TAMALIN: variants seen among roughly 807,000 people sequenced by gnomAD.
The protein encoded by TAMALIN is trafficking regulator and scaffold protein tamalin.
In TAMALIN, 9 loss-of-function variants were observed where a neutral mutation model predicts 38.5. That is an observed-to-expected ratio of 0.23 (90% CI 0.14 to 0.41). TAMALIN has a LOEUF of 0.41. TAMALIN is among the 10% of genes least tolerant of loss of function. TAMALIN has a pLI of 1.00. For missense variants in TAMALIN, 548 were observed against 554.1 expected, an observed-to-expected ratio of 0.99 and a Z score of 0.11; for synonymous variants, 306 against 256.5, an observed-to-expected ratio of 1.19 and a Z score of -1.85.
chr12:52,013,068 A>C (rs1263859626), intron 4 of TAMALIN, among the ~76,000 whole-genome samples: 2 of 147,554 alleles, frequency 1.4e-5, no homozygotes, highest in African/African-American at 5.0e-5. Flanking sequence ...GCTTTGGGAC[A>C]GAACTTCTTT....
rs769197486 is a variant in TAMALIN, at chr12:52,007,188, G to C, written c.169G>C (p.Ala57Pro). The change falls in exon 1 of 8, where the codon GCG becomes CCG. Residue 57 changes from alanine (A) to proline (P), a missense_variant. Transcript: ENST00000293662. This position sits in a 1 kb window ranked among gnomAD's most constrained non-coding sequence, Gnocchi z 6.7. Reference protein sequence around the residue: ...TPGPPADELYAALEDYHPAEL... With the variant: ...TPGPPADELYPALEDYHPAEL... The stretch of plus-strand genomic sequence containing the variant: ...TGGGCCCCCAGCGGACGAGCTGTAC[G>C]CGGCGCTGGAGGACTATCACCCTGC... 4.6e-6 allele frequency: 7 copies of C among 1,516,770 alleles called. No homozygotes were observed. Among genetic ancestry groups the C allele is most frequent in the Non-Finnish European group, 6.1e-6 (7 of 1,143,306 alleles). The allele number at this position is 1,516,770 out of a possible 1,614,324, so 94.0% of individuals were successfully genotyped here. A position where few individuals can be genotyped will look rare whatever the true frequency, so the allele number is the denominator to read the frequency against.
chr12:52,013,946 AG>A lies in TAMALIN; in HGVS notation c.615+7del. On this transcript the variant is annotated splice_donor_region_variant and intron_variant, in intron 6 of 7. Transcript: ENST00000293662. ...AGGCTCGTCTGCAGTACCTGAAGGT[AG>A]GGGAACCTAGATAACGTCCAGCCTC... The A allele has an allele frequency of 6.2e-7, 1 of 1,613,922 alleles. No individual in the cohort carries two copies. The highest frequency in any genetic ancestry group is 8.5e-7 in the Non-Finnish European group (1 of 1,179,808).
At chr12:52,008,243 A>C (rs1565629732) in intron 1 of TAMALIN, 2 of 985,348 alleles carry the variant, frequency 2.0e-6, no homozygotes, top group Non-Finnish European at 2.4e-6. Flanking sequence ...GAGGGTTAGC[A>C]AAGGCACAGA....
intron 1 of TAMALIN, chr12:52,008,312 T>G (rs1942447621): frequency 1.0e-6 from 1 of 985,076 alleles, no homozygotes; most frequent in South Asian, 4.7e-5. Context: ...GGACTGGACC[T>G]CCTCCCAGGA....
At position 52,013,992 on chromosome 12, in the gene TAMALIN, C is replaced by T. The variant is rs750826110; in HGVS notation, c.615+49C>T. 25 of 1,596,548 alleles carry T rather than the reference C, an allele frequency of 1.6e-5. No individual in the cohort carries two copies. The African/African-American group carries it at 3.1e-4, about 20-fold the overall frequency. On this transcript the variant is annotated intron_variant, in intron 6 of 7. Transcript: ENST00000293662. ...AGCCTCCACCCTCCTCTTCCCAAGC[C>T]TCTGCCCTGTGGGGGGTCACTTACA...
Position 52,011,255 on chromosome 12 carries a change from A to G in TAMALIN, c.454+114A>G, listed in dbSNP as rs751370984. On this transcript the variant is annotated intron_variant, in intron 4 of 7. Transcript: ENST00000293662. The surrounding 1 kb of genome is among the most constrained non-coding windows in gnomAD (Gnocchi z 5.3). ...AATTCCTCTTCCTTTTCCTTCTTTG[A>G]GAAGGCCAGAAAGAAGAATGGATAG... The G allele has an allele frequency of 6.5e-7, 1 of 1,543,906 alleles. No homozygotes were observed. The highest frequency in any genetic ancestry group is 2.4e-5 in the East Asian group (1 of 41,990).
intron 4 of TAMALIN, among the ~76,000 whole-genome samples, chr12:52,013,109 G>A (rs924349584): frequency 7.3e-6 from 1 of 136,270 alleles, no homozygotes; most frequent in Non-Finnish European, 1.5e-5. Flanking sequence ...ACGGAGTCTC[G>A]CTCTGTCGCC....
chr12:52,007,798 G>A lies in TAMALIN; in HGVS notation c.246+533G>A. 4 of 985,438 alleles carry A rather than the reference G, an allele frequency of 4.1e-6. No homozygotes were observed. The highest frequency in any genetic ancestry group is 4.8e-6 in the Non-Finnish European group (4 of 829,918). The allele number at this position is 985,438 out of a possible 1,614,324, so 61.0% of individuals were successfully genotyped here. On this transcript the variant is annotated intron_variant, in intron 1 of 7. Coordinates refer to ENST00000293662, the MANE Select transcript of TAMALIN (RefSeq NM_181711.4). The surrounding 1 kb of genome is among the most constrained non-coding windows in gnomAD (Gnocchi z 6.7). ...TCCTGGGCTGGGGGCCTGCCGCCTG[G>A]CCCCACGTCTGACGTACGGGGCGCG...
At position 52,014,711 on chromosome 12, in the gene TAMALIN, C is replaced by T; in HGVS notation, c.700C>T (p.Pro234Ser). 1 of 1,511,018 alleles carries T rather than the reference C, an allele frequency of 6.6e-7. No individual in the cohort carries two copies. The highest frequency in any genetic ancestry group is 8.7e-7 in the Non-Finnish European group (1 of 1,143,830). 93.6% of individuals were successfully genotyped at this position (1,511,018 alleles called of 1,614,324 possible). A position where few individuals can be genotyped will look rare whatever the true frequency, so the allele number is the denominator to read the frequency against. ...CTGCGCAGGCCTGGTGGTGAAGGACCCCAGCATCTACGACACGCTGGAGTC... is the reference window on the plus strand; with the variant it reads ...CTGCGCAGGCCTGGTGGTGAAGGACTCCAGCATCTACGACACGCTGGAGTC... ...RLVHGLVVKDPSIYDTLESVR... is the reference protein window; with the variant it reads ...RLVHGLVVKDSSIYDTLESVR... Residue 234 changes from proline (P) to serine (S), a missense_variant, in exon 8 of 8, where the codon CCC (proline) becomes TCC (serine). This residue lies in a region of TAMALIN where 415 missense variants were observed against 417.0 expected (regional missense o/e 1.00). Coordinates refer to ENST00000293662, the MANE Select transcript of TAMALIN (RefSeq NM_181711.4).
intron 4 of TAMALIN, among the ~76,000 whole-genome samples, chr12:52,013,075 CTTTTTTTTT>C (rs3035021): frequency 8.8e-5 from 11 of 124,448 alleles, no homozygotes; most frequent in African/African-American, 3.1e-4. Context: ...GACAGAACTT[CTTTTTTTTT>C]TTTTTTTTTT....
At chr12:52,009,795 A>C (rs1217346847) in intron 2 of TAMALIN, among the ~76,000 whole-genome samples, 1 of 152,226 alleles carries the variant, frequency 6.6e-6, no homozygotes, top group East Asian at 1.9e-4. Context: ...CTCATGTCCC[A>C]TCCCTGATTT....
Position 52,013,784 on chromosome 12 carries a change from T to G in TAMALIN, c.548+4T>G. 1 of 1,614,004 alleles carries G rather than the reference T, an allele frequency of 6.2e-7. No individual in the cohort carries two copies. Among genetic ancestry groups the G allele is most frequent in the Non-Finnish European group, 8.5e-7 (1 of 1,179,838 alleles). Reference sequence around the variant, plus strand: ...AGGCGTCAGGCAATGTTCTCAGGTATGTCTGGGAGCCGAGGTGCCTGAATT... The same window carrying G: ...AGGCGTCAGGCAATGTTCTCAGGTAGGTCTGGGAGCCGAGGTGCCTGAATT... On this transcript the variant is annotated splice_donor_region_variant and intron_variant, in intron 5 of 7. Coordinates refer to ENST00000293662, the MANE Select transcript of TAMALIN (RefSeq NM_181711.4).
In TAMALIN at chr12:52,014,809, C is replaced by T. The variant is rs1181331809; in HGVS notation, c.798C>T (p.Pro266=). The part of the protein sequence containing the change: ...SLPFGPLLAV[P]GRPRGGARRA... Reference sequence around the variant, plus strand: ...CCTTCGGGCCTCTGCTCGCCGTGCCCGGGCGTCCCCGCGGAGGCGCCCGAC... The same window carrying T: ...CCTTCGGGCCTCTGCTCGCCGTGCCTGGGCGTCCCCGCGGAGGCGCCCGAC... Residue 266 remains proline, a synonymous_variant, in exon 8 of 8, where the codon CCC becomes CCT. Coordinates refer to ENST00000293662, the MANE Select transcript of TAMALIN (RefSeq NM_181711.4). 4 of 1,364,464 alleles carry T rather than the reference C, an allele frequency of 2.9e-6. No homozygotes were observed. The highest frequency in any genetic ancestry group is 2.8e-6 in the Non-Finnish European group (3 of 1,062,814). 84.5% of individuals were successfully genotyped at this position (1,364,464 alleles called of 1,614,324 possible).
intron 1 of TAMALIN, chr12:52,008,336 G>A (rs1008248416): frequency 1.0e-6 from 1 of 985,318 alleles, no homozygotes; most frequent in Non-Finnish European, 1.2e-6. Flanking sequence ...AAAAGTTAGG[G>A]AGGGTGAGAG....
rs1937711127 is a variant in TAMALIN, at chr12:52,013,597, C to T, written c.455-90C>T. The T allele has an allele frequency of 4.7e-6, 5 of 1,062,008 alleles. No homozygotes were observed. In the East Asian group the frequency reaches 1.2e-4, roughly 26 times the overall value. The allele number at this position is 1,062,008 out of a possible 1,614,324, so 65.8% of individuals were successfully genotyped here. On this transcript the variant is annotated intron_variant, in intron 4 of 7. Transcript: ENST00000293662. ...TCAGGAGTATTCCCTGGAGTTACTA[C>T]CCACCCTTCTCCCCTTTCTGGCTAA...
rs372662271 is a variant in TAMALIN at position 52,013,863 on chromosome 12, T to G, written c.549-14T>G. On this transcript the variant is annotated splice_polypyrimidine_tract_variant and intron_variant, in intron 5 of 7. Transcript: ENST00000293662. ...AGCCTGTGGCTCACTCAGGCTTTGATTCTCCAACCTCAGACTGGAAACTCT... is the reference window on the plus strand; with the variant it reads ...AGCCTGTGGCTCACTCAGGCTTTGAGTCTCCAACCTCAGACTGGAAACTCT... 6.2e-7 allele frequency: 1 copy of G among 1,614,004 alleles called. No individual in the cohort carries two copies. Among genetic ancestry groups the G allele is most frequent in the African/African-American group, 1.3e-5 (1 of 74,912 alleles).
chr12:52,010,489 G>C, intron 2 of TAMALIN: 1 of 1,048,184 alleles, frequency 9.5e-7, no homozygotes, highest in Non-Finnish European at 1.2e-6. Flanking sequence ...TGGGGGTGGG[G>C]CCAGTCCTCT....
chr12:52,013,953 C>A lies in TAMALIN; in HGVS notation c.615+10C>A. On this transcript the variant is annotated intron_variant, in intron 6 of 7. Transcript: ENST00000293662. The stretch of plus-strand genomic sequence containing the variant: ...TCTGCAGTACCTGAAGGTAGGGGAA[C>A]CTAGATAACGTCCAGCCTCCACCCT... The A allele has an allele frequency of 6.2e-7, 1 of 1,613,682 alleles. No homozygotes were observed. The highest frequency in any genetic ancestry group is 8.5e-7 in the Non-Finnish European group (1 of 1,179,630).
chr12:52,008,909 T>C (rs1942455586), intron 1 of TAMALIN: 1 of 324,426 alleles, frequency 3.1e-6, no homozygotes, highest in Non-Finnish European at 4.4e-6. Flanking sequence ...CTGCTGCCAG[T>C]GTGGAAACCA....
Sources: gnomAD v4.1 joint callset for allele counts (sites outside exome capture counted in the v4.1 genomes callset) on GRCh38, gnomAD v4.1.1 for gene constraint, gnomAD v4.1.1 regional missense constraint, Gnocchi (gnomAD v3.1) non-coding constraint, MANE v1.5 for transcripts, NCBI Gene and HGNC (gene_info 2026-07-23, HGNC 2026-07-21) for gene names.